Variants in LDLRAD4 observed in about 807,000 individuals in gnomAD.
The protein encoded by LDLRAD4 is low-density lipoprotein receptor class A domain-containing protein 4.
LDLRAD4 carries 5 observed loss-of-function variants against 17.0 expected under a neutral mutation model. The ratio of observed to expected loss-of-function variants is 0.29; its 90% CI spans 0.15 to 0.62. The LOEUF is 0.62. LDLRAD4 is among the 20% of genes least tolerant of loss of function. The probability of loss-of-function intolerance (pLI) is 0.84; values close to 1 mark genes in which losing one functional copy is unlikely to be tolerated. For synonymous variants in LDLRAD4, 168 were observed against 171.8 expected (o/e 0.98, Z 0.17); for missense variants, 340 against 424.7 (o/e 0.80, Z 1.75).
At chr18:13,505,913 G>GGTGCCACCTCCTCTCATCCT (rs2093684759) in intron 3 of LDLRAD4, among the ~76,000 whole-genome samples, 1 of 152,138 alleles carries the variant, frequency 6.6e-6, no homozygotes, top group South Asian at 2.1e-4. Flanking sequence ...TGGTCTGAGC[G>GGTGCCACCTCCTCTCATCCT]GTGCCACCTC....
intron 3 of LDLRAD4, among the ~76,000 whole-genome samples, chr18:13,601,671 A>G (rs921758803): frequency 1.3e-5 from 2 of 152,032 alleles, no homozygotes; most frequent in African/African-American, 2.4e-5. Flanking sequence ...AAAAAAGAAA[A>G]AAAAAGGAAA....
At chr18:13,382,868 C>T (rs528468300) in intron 1 of LDLRAD4, 2 of 152,490 alleles carry the variant, frequency 1.3e-5, no homozygotes, top group East Asian at 3.9e-4. Context: ...TCCTGCTCTC[C>T]TGCTGCCAGT....
intron 1 of LDLRAD4, among the ~76,000 whole-genome samples, chr18:13,374,209 G>A (rs1021873664): frequency 3.3e-4 from 50 of 152,214 alleles, no homozygotes; most frequent in African/African-American, 1.2e-3. Flanking sequence ...TGCTGCAGAG[G>A]CCAGAGCCCT....
intron 1 of LDLRAD4, among the ~76,000 whole-genome samples, chr18:13,335,108 T>C (rs533173987): frequency 9.2e-5 from 14 of 152,328 alleles, no homozygotes; most frequent in African/African-American, 3.4e-4. Context: ...GTTTTTAAAG[T>C]GGTTTCTTAT....
At chr18:13,417,726 G>A (rs1176482001) in intron 2 of LDLRAD4, among the ~76,000 whole-genome samples, 2 of 152,128 alleles carry the variant, frequency 1.3e-5, no homozygotes, top group East Asian at 1.9e-4. Context: ...GAGCCACCAC[G>A]CCCAGCCAGT....
At chr18:13,507,938 G>GTCC (rs1476498060) in intron 3 of LDLRAD4, among the ~76,000 whole-genome samples, 5 of 149,404 alleles carry the variant, frequency 3.3e-5, no homozygotes, top group Admixed American at 6.6e-5. Context: ...TGAAAGCCTG[G>GTCC]TAGTCTGAAA....
At chr18:13,612,421 T>C in intron 3 of LDLRAD4, 1 of 1,248,810 alleles carries the variant, frequency 8.0e-7, no homozygotes, top group Non-Finnish European at 1.0e-6. Flanking sequence ...TCCTGGTTTC[T>C]GTTGATGGCA....
At chr18:13,599,136 G>A (rs2095129986) in intron 3 of LDLRAD4, among the ~76,000 whole-genome samples, 1 of 152,182 alleles carries the variant, frequency 6.6e-6, no homozygotes, top group South Asian at 2.1e-4. Flanking sequence ...TGCTGTGCTT[G>A]CCTTTCACTG....
At chr18:13,217,786 G>A (rs1184649439), upstream of LDLRAD4, 1 of 151,302 alleles carries the variant, frequency 6.6e-6, no homozygotes, top group Non-Finnish European at 1.5e-5. This position sits in a 1 kb window ranked among gnomAD's most constrained non-coding sequence, Gnocchi z 4.9. Context: ...CGAGTGCGTT[G>A]GCCCTGCCCG....
intron 1 of LDLRAD4, among the ~76,000 whole-genome samples, chr18:13,319,802 G>A (rs942463577): frequency 6.6e-6 from 1 of 152,166 alleles, no homozygotes; most frequent in Non-Finnish European, 1.5e-5. Context: ...TGGAAACCCC[G>A]CATGAGATGA....
chr18:13,477,022 G>A (rs1368220583), intron 3 of LDLRAD4, among the ~76,000 whole-genome samples: 4 of 152,178 alleles, frequency 2.6e-5, no homozygotes, highest in African/African-American at 9.7e-5. Context: ...ATACAAACAT[G>A]TTTGAATTTG....
At chr18:13,431,353 A>G (rs778522672) in intron 2 of LDLRAD4, among the ~76,000 whole-genome samples, 24 of 152,234 alleles carry the variant, frequency 1.6e-4, no homozygotes, top group Non-Finnish European at 3.2e-4. Context: ...GCCTCCTCGC[A>G]TCTTACAGAC....
intron 1 of LDLRAD4, among the ~76,000 whole-genome samples, chr18:13,246,177 A>C (rs969934245): frequency 5.9e-5 from 9 of 152,228 alleles, no homozygotes; most frequent in African/African-American, 2.2e-4. Flanking sequence ...GCTTGAAGTC[A>C]CCACAAAGCA....
intron 1 of LDLRAD4, among the ~76,000 whole-genome samples, chr18:13,286,721 G>T (rs1359032874): frequency 6.6e-6 from 1 of 152,204 alleles, no homozygotes; most frequent in African/African-American, 2.4e-5. Context: ...TGGTGGCTGA[G>T]GGTGGGAGTC....
chr18:13,355,311 C>T (rs991834108), intron 1 of LDLRAD4, among the ~76,000 whole-genome samples: 3 of 152,122 alleles, frequency 2.0e-5, no homozygotes, highest in African/African-American at 7.2e-5. Context: ...AGGAAGAGGC[C>T]AGTTTTAGCT....
rs1296623776 is a variant in LDLRAD4, at chr18:13,435,479, C to T, written c.41-2765C>T. On this transcript the variant is annotated intron_variant, in intron 2 of 5. Coordinates refer to ENST00000359446, the Ensembl canonical transcript of LDLRAD4. ...TTAATTTTTTAGAGACTGGATCTTG[C>T]TCTGTCACCTGGGCTTGGGAGCAGT... 2.0e-5 allele frequency among the ~76,000 whole-genome samples: 3 copies of T among 152,054 alleles called. No individual in the cohort carries two copies. In the East Asian group the frequency reaches 5.8e-4, roughly 29 times the overall value.
intron 1 of LDLRAD4, among the ~76,000 whole-genome samples, chr18:13,301,723 C>T (rs559492455): frequency 6.6e-6 from 1 of 152,280 alleles, no homozygotes; most frequent in South Asian, 2.1e-4. Context: ...ATTTTGTGAC[C>T]CTCACTAGGC....
Position 13,585,620 on chromosome 18 carries a change from C to CT in LDLRAD4, c.182-35494dup, listed in dbSNP as rs2094923361. The stretch of plus-strand genomic sequence containing the variant: ...AAGCACATTTGGTTTCCCACTCCCC[C>CT]TTTCAAGCCCATTAGGAAAATTAAA... On this transcript the variant is annotated intron_variant, in intron 3 of 5. Coordinates refer to ENST00000359446, the Ensembl canonical transcript of LDLRAD4. Among the ~76,000 whole-genome samples the CT allele has an allele frequency of 2.0e-5, 3 of 152,190 alleles. No individual in the cohort carries two copies. The South Asian group carries it at 6.2e-4, about 32-fold the overall frequency.
At chr18:13,582,375 A>G (rs946573606) in intron 3 of LDLRAD4, among the ~76,000 whole-genome samples, 2 of 152,268 alleles carry the variant, frequency 1.3e-5, no homozygotes, top group Admixed American at 6.5e-5. Context: ...TAGCTGCGCC[A>G]TCAATCAAAG....
Sources: allele counts gnomAD v4.1 joint callset (sites outside exome capture counted in the v4.1 genomes callset), GRCh38; gene constraint gnomAD v4.1.1; non-coding constraint Gnocchi (gnomAD v3.1); transcripts MANE v1.5; gene names NCBI Gene and HGNC (gene_info 2026-07-23, HGNC 2026-07-21).